Variants in TEN1 observed in about 807,000 individuals in gnomAD.
The protein encoded by TEN1 is TEN1 subunit of CST complex, also known as CST complex subunit TEN1.
TEN1 carries 6 observed loss-of-function variants against 9.3 expected under a neutral mutation model. The ratio of observed to expected loss-of-function variants is 0.65; its 90% CI spans 0.35 to 1.27. The LOEUF (loss-of-function observed/expected upper bound fraction) is 1.27. Ranked by LOEUF, TEN1 falls within the 50% of genes most tolerant of loss-of-function variation. TEN1 has a pLI of 0.03. For missense variants in TEN1, 149 were observed against 158.2 expected (o/e 0.94, Z 0.31); for synonymous variants, 65 against 65.6 (o/e 0.99, Z 0.04).
intron 3 of TEN1, among the ~76,000 whole-genome samples, chr17:75,998,263 G>A (rs2066229388): frequency 6.7e-6 from 1 of 149,516 alleles, no homozygotes; most frequent in Non-Finnish European, 1.5e-5. Flanking sequence ...CACCTCCCCG[G>A]TTCAAGTGAT....
In TEN1 at chr17:75,998,171, T is replaced by C. The variant is rs868131355; in HGVS notation, c.251-1970T>C. On this transcript the variant is annotated intron_variant, in intron 3 of 3. Coordinates refer to ENST00000397640, the MANE Select transcript of TEN1 (RefSeq NM_001113324.3). ...CTGGCCTTTTTCCTTTTTTTTTCCT[T>C]TTTTTTTTTTTTTTGAGACAGAGTC... Among the ~76,000 whole-genome samples, 155 of 145,894 alleles carry C rather than the reference T, an allele frequency of 1.1e-3. No homozygotes were observed. The Middle Eastern group carries it at 0.025, about 24-fold the overall frequency.
At chr17:75,989,944 G>A (rs929896248) in intron 2 of TEN1, among the ~76,000 whole-genome samples, 2 of 149,532 alleles carry the variant, frequency 1.3e-5, no homozygotes, top group East Asian at 2.0e-4. Context: ...ACGGCATCTC[G>A]CTGTATTGCC....
At chr17:75,990,020 T>G (rs1458550343) in intron 2 of TEN1, among the ~76,000 whole-genome samples, 1 of 151,902 alleles carries the variant, frequency 6.6e-6, no homozygotes, top group African/African-American at 2.4e-5. Flanking sequence ...GTGCTGGGAT[T>G]ACAGATGTGA....
chr17:75,981,613 T>A (rs2066120650), intron 1 of TEN1, among the ~76,000 whole-genome samples: 1 of 150,574 alleles, frequency 6.6e-6, no homozygotes, highest in Non-Finnish European at 1.5e-5. Flanking sequence ...TTTTTTTTTT[T>A]ACCTTCTGTC....
intron 2 of TEN1, among the ~76,000 whole-genome samples, chr17:75,990,470 C>A (rs1445712963): frequency 6.6e-6 from 1 of 150,960 alleles, no homozygotes; most frequent in Non-Finnish European, 1.5e-5. Flanking sequence ...AGCAGAATAT[C>A]TTTACAACTT....
rs1216398771 is a variant in TEN1, at chr17:76,000,208, A to T, written c.318A>T (p.Glu106Asp). Residue 106 changes from glutamate (E) to aspartate (D), a missense_variant, in exon 4 of 4, where the codon GAA becomes GAT. Physicochemically the swap from Glu to Asp is conservative, Grantham distance 45. Transcript: ENST00000397640. This position sits in a 1 kb window ranked among gnomAD's most constrained non-coding sequence, Gnocchi z 5.9. Reference sequence around the variant, plus strand: ...AGGGGATGAACCTGCCCTTGTTGGAACAAGCCATCCGGGAGCAGAGACTGT... The same window carrying T: ...AGGGGATGAACCTGCCCTTGTTGGATCAAGCCATCCGGGAGCAGAGACTGT... ...CVEGMNLPLL[E>D]QAIREQRLYK... 1.5e-5 allele frequency: 24 copies of T among 1,551,300 alleles called. No homozygotes were observed. The highest frequency in any genetic ancestry group is 2.0e-5 in the Admixed American group (1 of 50,974).
intron 1 of TEN1, among the ~76,000 whole-genome samples, chr17:75,980,820 C>T (rs1004722297): frequency 2.0e-5 from 3 of 152,198 alleles, no homozygotes; most frequent in Admixed American, 6.5e-5. Flanking sequence ...AACTATAATA[C>T]ACACTCTTAA....
At position 75,996,706 on chromosome 17, in the gene TEN1, CAA is replaced by C. The variant is rs35106916; in HGVS notation, c.251-3419_251-3418del. ...CCTGGGTGACAGAGTGAGACCCTGT[CAA>C]AAAAAAAAAAAAAAAGAGAGAGAGA... On this transcript the variant is annotated intron_variant, in intron 3 of 3. Coordinates refer to ENST00000397640, the MANE Select transcript of TEN1 (RefSeq NM_001113324.3). Among the ~76,000 whole-genome samples the C allele has an allele frequency of 8.4e-3, 806 of 95,880 alleles. 7 individuals are homozygous for C. Among genetic ancestry groups the C allele is most frequent in the African/African-American group, 0.022 (708 of 31,554 alleles). The allele number at this position is 95,880 out of a possible 152,430, so 62.9% of individuals were successfully genotyped here.
chr17:75,992,152 C>T (rs1390420388), intron 3 of TEN1, among the ~76,000 whole-genome samples: 1 of 151,974 alleles, frequency 6.6e-6, no homozygotes, highest in Non-Finnish European at 1.5e-5. Flanking sequence ...GCCTACAACA[C>T]ACCAGGCCTG....
rs17881655 is a variant in TEN1, at chr17:76,000,354, G to C, written c.*92G>C. ...GGGAGAGCACAGACGCCTCCCCAGCGACGGCCTTGTCTGGAGCTCGAAAGC... is the reference window on the plus strand; with the variant it reads ...GGGAGAGCACAGACGCCTCCCCAGCCACGGCCTTGTCTGGAGCTCGAAAGC... On this transcript the variant is annotated 3_prime_UTR_variant, in exon 4 of 4. Transcript: ENST00000397640. This position sits in a 1 kb window ranked among gnomAD's most constrained non-coding sequence, Gnocchi z 5.9. The C allele has an allele frequency of 7.3e-4, 1,060 of 1,447,972 alleles. 3 individuals are homozygous for C. The highest frequency in any genetic ancestry group is 3.1e-3 in the Middle Eastern group (16 of 5,180). The allele number at this position is 1,447,972 out of a possible 1,614,324, so 89.7% of individuals were successfully genotyped here.
rs889310547 is a variant in TEN1, at chr17:75,991,563, C to A, written c.190C>A (p.Pro64Thr). 4.5e-6 allele frequency: 7 copies of A among 1,552,226 alleles called. No individual in the cohort carries two copies. Among genetic ancestry groups the A allele is most frequent in the Middle Eastern group, 1.7e-4 (1 of 5,994 alleles). ...TCTTGTCTGTACCAAGTTGGTGGAG[C>A]CCTTCCACGCCCAGGTGGGCTCCCT... is the stretch of plus-strand genomic sequence containing the variant. Reference protein sequence around the residue: ...QVLVCTKLVEPFHAQVGSLYI... With the variant: ...QVLVCTKLVETFHAQVGSLYI... Residue 64 changes from proline (P) to threonine (T), a missense_variant, in exon 3 of 4, where the codon CCC (proline) becomes ACC (threonine). Transcript: ENST00000397640.
intron 2 of TEN1, among the ~76,000 whole-genome samples, chr17:75,986,715 A>T (rs1279708286): frequency 6.6e-6 from 1 of 151,190 alleles, no homozygotes; most frequent in Non-Finnish European, 1.5e-5. Context: ...AAATAATAAT[A>T]ATAAATATAT....
chr17:75,986,245 G>T lies in TEN1; in HGVS notation c.53G>T (p.Gly18Val), dbSNP rs1328038606. 2.4e-5 allele frequency: 37 copies of T among 1,550,078 alleles called. No individual in the cohort carries two copies. The highest frequency in any genetic ancestry group is 3.0e-5 in the Non-Finnish European group (34 of 1,146,288). Reference protein sequence around the residue: ...TYYLPWEVSAGQVPDGSTLRT... With the variant: ...TYYLPWEVSAVQVPDGSTLRT... The stretch of plus-strand genomic sequence containing the variant: ...TACCTCCCCTGGGAGGTTAGTGCAG[G>T]CCAAGTTCCTGATGGGAGCACGCTG... Residue 18 changes from glycine (G) to valine (V), a missense_variant, in exon 2 of 4, where the codon GGC (glycine) becomes GTC (valine). By Grantham distance (109) the Gly-to-Val change is moderately radical. Coordinates refer to ENST00000397640, the MANE Select transcript of TEN1 (RefSeq NM_001113324.3).
chr17:75,998,928 T>C (rs1185268951), intron 3 of TEN1, among the ~76,000 whole-genome samples: 1 of 152,016 alleles, frequency 6.6e-6, no homozygotes, highest in Non-Finnish European at 1.5e-5. Flanking sequence ...TGACCTCAGG[T>C]GATCCACCCA....
intron 3 of TEN1, among the ~76,000 whole-genome samples, chr17:75,999,387 G>A (rs1383053642): frequency 6.6e-6 from 1 of 152,030 alleles, no homozygotes; most frequent in Non-Finnish European, 1.5e-5. Context: ...CTGTTGCCCA[G>A]GCTGGAGTGC....
intron 1 of TEN1, among the ~76,000 whole-genome samples, chr17:75,981,496 T>G (rs1298320179): frequency 4.6e-5 from 7 of 152,184 alleles, no homozygotes; most frequent in Middle Eastern, 6.9e-3. Context: ...TGGCTGACAT[T>G]AACACTTTTG....
chr17:75,990,337 C>A (rs1333703091), intron 2 of TEN1, among the ~76,000 whole-genome samples: 1 of 152,026 alleles, frequency 6.6e-6, no homozygotes, highest in African/African-American at 2.4e-5. Flanking sequence ...GCATGAGCCA[C>A]CACGCCCAGC....
intron 3 of TEN1, among the ~76,000 whole-genome samples, chr17:75,994,052 T>C (rs2066203719): frequency 1.3e-5 from 2 of 152,096 alleles, no homozygotes; most frequent in African/African-American, 4.8e-5. Context: ...TAATCAGGCC[T>C]CAGAGGAAGT....
In TEN1 at chr17:75,979,596, C is replaced by T. The variant is rs7207578; in HGVS notation, c.-7+85C>T. ...ACTTGCCCCCCTCTTACCCCGCGGCCTCTGTCACGCTTCCGGGTCCGTGCC... is the reference window on the plus strand; with the variant it reads ...ACTTGCCCCCCTCTTACCCCGCGGCTTCTGTCACGCTTCCGGGTCCGTGCC... On this transcript the variant is annotated intron_variant, in intron 1 of 3. Coordinates refer to ENST00000397640, the MANE Select transcript of TEN1 (RefSeq NM_001113324.3). 5.5e-3 allele frequency: 1,261 copies of T among 229,630 alleles called. 17 individuals are homozygous for T. Among genetic ancestry groups the T allele is most frequent in the African/African-American group, 0.027 (1,161 of 42,514 alleles). 14.2% of individuals were successfully genotyped at this position (229,630 alleles called of 1,614,324 possible).
Sources: allele counts gnomAD v4.1 joint callset (sites outside exome capture counted in the v4.1 genomes callset), GRCh38; gene constraint gnomAD v4.1.1; non-coding constraint Gnocchi (gnomAD v3.1); transcripts MANE v1.5; gene names NCBI Gene and HGNC (gene_info 2026-07-23, HGNC 2026-07-21).